Variants in ADGRL2 observed in about 807,000 individuals in gnomAD.
ADGRL2 encodes adhesion G protein-coupled receptor L2, also known as calcium-independent alpha-latrotoxin receptor 2.
A neutral mutation model predicts 157.4 loss-of-function variants in ADGRL2; 44 were observed. That is an observed-to-expected ratio of 0.28 (90% CI 0.22 to 0.36). ADGRL2 has a LOEUF of 0.36. ADGRL2 is among the 10% of genes least tolerant of loss of function. ADGRL2 has a pLI of 1.00. For synonymous variants in ADGRL2, 585 were observed against 624.7 expected (o/e 0.94, Z 0.95); for missense variants, 1,510 against 1,768.9 (o/e 0.85, Z 2.63).
intron 3 of ADGRL2, among the ~76,000 whole-genome samples, chr1:81,601,953 A>G (rs1302956062): frequency 6.6e-6 from 1 of 152,198 alleles, no homozygotes; most frequent in Admixed American, 6.5e-5. Flanking sequence ...GTTATGGGAA[A>G]AGAGAGCTTC....
Position 81,981,999 on chromosome 1 carries a change from G to T in ADGRL2, c.3282+23G>T, listed in dbSNP as rs750502907. ...AAAGTAAGTAATTGAAAACACCTAG[G>T]GGCTCAGGTTACTCATTCTTTGATT... is the stretch of plus-strand genomic sequence containing the variant. On this transcript the variant is annotated intron_variant, in intron 19 of 23. Coordinates refer to ENST00000686636, the MANE Select transcript of ADGRL2 (RefSeq NM_001366006.2). 3.8e-6 allele frequency: 6 copies of T among 1,594,466 alleles called. No homozygotes were observed. The South Asian group carries it at 6.8e-5, about 18-fold the overall frequency.
At chr1:81,467,191 T>A (rs2078074812) in intron 2 of ADGRL2, among the ~76,000 whole-genome samples, 1 of 152,132 alleles carries the variant, frequency 6.6e-6, no homozygotes, top group Non-Finnish European at 1.5e-5. Flanking sequence ...CATAACTGCT[T>A]TTCAGTAATA....
At chr1:81,873,552 A>G (rs3790927) in intron 2 of ADGRL2, among the ~76,000 whole-genome samples, 77,822 of 151,928 alleles carry the variant, frequency 0.51, 20,846 homozygotes, top group East Asian at 0.86. Context: ...TTTACAAGGT[A>G]TATAGCATCA....
chr1:81,421,993 A>T (rs951044981), intron 1 of ADGRL2, among the ~76,000 whole-genome samples: 20 of 152,192 alleles, frequency 1.3e-4, no homozygotes, highest in Admixed American at 2.0e-4. Context: ...TCTTAATAGT[A>T]TTACTTACAG....
chr1:81,354,813 G>A (rs7542115), intron 1 of ADGRL2, among the ~76,000 whole-genome samples: 2,677 of 152,208 alleles, frequency 0.018, 86 homozygotes, highest in African/African-American at 0.061. Context: ...CTAGTCCCAT[G>A]CCTTTTACCA....
intron 1 of ADGRL2, among the ~76,000 whole-genome samples, chr1:81,345,804 A>G (rs1429615830): frequency 6.6e-6 from 1 of 152,202 alleles, no homozygotes; most frequent in Non-Finnish European, 1.5e-5. Context: ...TTTCATTCAT[A>G]TTTTAAAATT....
At chr1:81,325,776 C>T (rs897424484) in intron 1 of ADGRL2, among the ~76,000 whole-genome samples, 1 of 152,158 alleles carries the variant, frequency 6.6e-6, no homozygotes, top group Non-Finnish European at 1.5e-5. Context: ...CAATCAATAC[C>T]CACAGACGTA....
chr1:81,894,032 A>G (rs1456337351), intron 2 of ADGRL2, among the ~76,000 whole-genome samples: 1 of 152,212 alleles, frequency 6.6e-6, no homozygotes, highest in African/African-American at 2.4e-5. Context: ...TCCAACTCAT[A>G]GTATCACAGT....
chr1:81,729,109 T>G (rs1042517127), intron 1 of ADGRL2, among the ~76,000 whole-genome samples: 2 of 149,648 alleles, frequency 1.3e-5, no homozygotes, highest in Non-Finnish European at 3.0e-5. Flanking sequence ...TTTATTATAT[T>G]ATTATATAAT....
At chr1:81,324,089 G>C (rs983076347) in intron 1 of ADGRL2, among the ~76,000 whole-genome samples, 1 of 152,172 alleles carries the variant, frequency 6.6e-6, no homozygotes, top group Non-Finnish European at 1.5e-5. Context: ...TAATGTATTG[G>C]AAGGAGGCAA....
At chr1:81,365,284 T>C (rs1423800017) in intron 1 of ADGRL2, among the ~76,000 whole-genome samples, 1 of 152,128 alleles carries the variant, frequency 6.6e-6, no homozygotes, top group Admixed American at 6.5e-5. Context: ...TGAACCAAGG[T>C]AGAAACCAAA....
At chr1:81,871,301 A>C (rs971544365) in intron 2 of ADGRL2, among the ~76,000 whole-genome samples, 2 of 151,648 alleles carry the variant, frequency 1.3e-5, no homozygotes, top group Admixed American at 6.6e-5. Flanking sequence ...TCCATGGTGT[A>C]TATGTGCCAC....
chr1:81,808,233 A>G (rs1483416875), intron 1 of ADGRL2, among the ~76,000 whole-genome samples: 3 of 152,000 alleles, frequency 2.0e-5, no homozygotes, highest in South Asian at 2.1e-4. Flanking sequence ...TCACACTTAT[A>G]TAAGTTTGTT....
chr1:81,356,541 G>C (rs1369861228), intron 1 of ADGRL2, among the ~76,000 whole-genome samples: 1 of 151,920 alleles, frequency 6.6e-6, no homozygotes, highest in Non-Finnish European at 1.5e-5. Context: ...CTTTGTGAAG[G>C]AATCTCTGAT....
intron 1 of ADGRL2, among the ~76,000 whole-genome samples, chr1:81,749,235 A>T (rs1463062355): frequency 6.6e-6 from 1 of 152,160 alleles, no homozygotes; most frequent in East Asian, 1.9e-4. Context: ...TGATTTAGAC[A>T]GTTAAGAGTT....
intron 3 of ADGRL2, among the ~76,000 whole-genome samples, chr1:81,665,152 C>T (rs2082728620): frequency 6.6e-6 from 1 of 152,062 alleles, no homozygotes; most frequent in Non-Finnish European, 1.5e-5. Flanking sequence ...TCAAAAAAAT[C>T]TTCAAAGACA....
At chr1:81,452,180 G>A (rs538528541) in intron 2 of ADGRL2, among the ~76,000 whole-genome samples, 5 of 152,158 alleles carry the variant, frequency 3.3e-5, no homozygotes, top group South Asian at 4.2e-4. Flanking sequence ...ATTACAGGAT[G>A]CAAGTTTTTA....
intron 16 of ADGRL2, among the ~76,000 whole-genome samples, chr1:81,970,890 A>T (rs1392530485): frequency 6.6e-6 from 1 of 152,192 alleles, no homozygotes; most frequent in East Asian, 1.9e-4. Flanking sequence ...CTAATGCTTC[A>T]TTAGCTCTCT....
intron 1 of ADGRL2, among the ~76,000 whole-genome samples, chr1:81,727,152 AG>A (rs2084559093): frequency 6.6e-6 from 1 of 152,334 alleles, no homozygotes; most frequent in South Asian, 2.1e-4. Flanking sequence ...CAAGACAGGC[AG>A]GGTTCTTGCC....
Sources: allele counts gnomAD v4.1 joint callset (sites outside exome capture counted in the v4.1 genomes callset), GRCh38; gene constraint gnomAD v4.1.1; transcripts MANE v1.5; gene names NCBI Gene and HGNC (gene_info 2026-07-23, HGNC 2026-07-21).